Variants in NDUFAF7 observed in about 807,000 individuals in gnomAD.
NDUFAF7 encodes NADH:ubiquinone oxidoreductase complex assembly factor 7, also known as protein arginine methyltransferase NDUFAF7, mitochondrial.
NDUFAF7 carries 48 observed loss-of-function variants against 47.2 expected under a neutral mutation model. The observed-to-expected ratio is 1.02, with a 90% CI of 0.81 to 1.29. NDUFAF7 has a LOEUF of 1.29. NDUFAF7 is among the 50% of genes most tolerant of loss of function. The probability of loss-of-function intolerance (pLI) is 0.00; values close to 1 mark genes in which losing one functional copy is unlikely to be tolerated. For missense variants in NDUFAF7, 635 were observed against 537.6 expected, an observed-to-expected ratio of 1.18 and a Z score of -1.79; for synonymous variants, 217 against 190.0, an observed-to-expected ratio of 1.14 and a Z score of -1.17.
the NDUFAF7 span, chr2:37,260,392 G>C: frequency 6.2e-7 from 1 of 1,606,316 alleles, no homozygotes. Flanking sequence ...ATTCTGAAGA[G>C]AGGTTGCAAG....
chr2:37,235,500 G>C (rs1019360650), intron 2 of NDUFAF7, among the ~76,000 whole-genome samples: 1 of 152,070 alleles, frequency 6.6e-6, no homozygotes, highest in South Asian at 2.1e-4. Context: ...GGAGCTGGGA[G>C]GGGAGGAAGG....
the NDUFAF7 span, chr2:37,267,362 A>T: frequency 1.7e-5 from 18 of 1,063,834 alleles, no homozygotes; most frequent in Non-Finnish European, 2.3e-5. Flanking sequence ...AAAAAAAAAA[A>T]GAGAAGCAGT....
At chr2:37,266,739 T>C in the NDUFAF7 span, among the ~76,000 whole-genome samples, 3 of 152,112 alleles carry the variant, frequency 2.0e-5, no homozygotes, top group African/African-American at 4.8e-5. Context: ...CCACCCGCCT[T>C]GGCCTCCCAA....
intron 4 of NDUFAF7, 112 bp from the exon 5 acceptor site, chr2:37,241,466 C>A: frequency 1.1e-6 from 1 of 908,678 alleles, no homozygotes; most frequent in Non-Finnish European, 1.7e-6. Flanking sequence ...AGGAACACAT[C>A]TCTCTGAAAT....
the NDUFAF7 span, among the ~76,000 whole-genome samples, chr2:37,264,504 TTAAGG>T: frequency 8.3e-6 from 1 of 120,798 alleles, no homozygotes; most frequent in South Asian, 2.5e-4. Context: ...AGAAAAAGAG[TTAAGG>T]TAGGGGAGTG....
At position 37,246,105 on chromosome 2, in the gene NDUFAF7, C is replaced by A. The variant is rs145121976; in HGVS notation, c.846C>A (p.Ile282=). ...TGTGTCCTGATGCTGGTGTTATCAT[C>A]GAGGAACTTTCTCAACGCATTGCAT... The part of the protein sequence containing the change: ...VEVCPDAGVI[I]EELSQRIALT... Residue 282 remains isoleucine (I), a synonymous_variant, in exon 8 of 10, where the codon ATC becomes ATA. Transcript: ENST00000002125. 1 of 1,613,844 alleles carries A rather than the reference C, an allele frequency of 6.2e-7. No homozygotes were observed. Among genetic ancestry groups the A allele is most frequent in the African/African-American group, 1.3e-5 (1 of 75,020 alleles).
chr2:37,269,815 A>C, the NDUFAF7 span: 1 of 681,704 alleles, frequency 1.5e-6, no homozygotes, highest in Non-Finnish European at 2.4e-6. Context: ...ATAAAGTGCA[A>C]ACTATTTTAT....
At chr2:37,242,838 T>A in intron 6 of NDUFAF7, 145 bp downstream of exon 6, 5 of 616,428 alleles carry the variant, frequency 8.1e-6, no homozygotes, top group Middle Eastern at 3.8e-4. Flanking sequence ...CACAAATAAT[T>A]CAAAAGCAAA....
intron 4 of NDUFAF7, among the ~76,000 whole-genome samples, chr2:37,239,282 C>T (rs1666116963): frequency 6.6e-6 from 1 of 152,002 alleles, no homozygotes; most frequent in South Asian, 2.1e-4. Context: ...CTACACCCGG[C>T]TAATTTTTTT....
intron 6 of NDUFAF7, 127 bp from the exon 7 acceptor site, chr2:37,243,736 T>A: frequency 2.8e-6 from 2 of 717,372 alleles, no homozygotes; most frequent in Non-Finnish European, 4.9e-6. Flanking sequence ...ATTTAAGTAA[T>A]TTTAAATAGT....
At position 37,246,099 on chromosome 2, in the gene NDUFAF7, T is replaced by C; in HGVS notation, c.840T>C (p.Val280=). ...DHVEVCPDAG[V]IIEELSQRIA... is the part of the protein sequence containing the mutation. Reference sequence around the variant, plus strand: ...TTGAAGTGTGTCCTGATGCTGGTGTTATCATCGAGGAACTTTCTCAACGCA... The same window carrying C: ...TTGAAGTGTGTCCTGATGCTGGTGTCATCATCGAGGAACTTTCTCAACGCA... Residue 280 remains valine (V), a synonymous_variant, in exon 8 of 10, where the codon GTT becomes GTC. Coordinates refer to ENST00000002125, the MANE Select transcript of NDUFAF7 (RefSeq NM_144736.5). 8 of 1,613,970 alleles carry C rather than the reference T, an allele frequency of 5.0e-6. No individual in the cohort carries two copies. The highest frequency in any genetic ancestry group is 6.8e-6 in the Non-Finnish European group (8 of 1,179,858).
chr2:37,264,643 A>C, the NDUFAF7 span, among the ~76,000 whole-genome samples: 1 of 152,162 alleles, frequency 6.6e-6, no homozygotes, highest in Non-Finnish European at 1.5e-5. Flanking sequence ...GGGAGAAAGC[A>C]TTCCAGGCAG....
intron 3 of NDUFAF7, among the ~76,000 whole-genome samples, chr2:37,237,153 A>G (rs1003430844): frequency 6.6e-6 from 1 of 152,096 alleles, no homozygotes; most frequent in Non-Finnish European, 1.5e-5. Flanking sequence ...TATTTTTAGT[A>G]GAGACAGAGT....
chr2:37,233,347 G>A (rs570192353), intron 2 of NDUFAF7, among the ~76,000 whole-genome samples: 1 of 152,344 alleles, frequency 6.6e-6, no homozygotes, highest in East Asian at 1.9e-4. Context: ...CTGGCGTTCA[G>A]GGCCGGACGT....
intron 4 of NDUFAF7, among the ~76,000 whole-genome samples, 161 bp downstream of exon 4, chr2:37,238,028 T>G (rs1665973048): frequency 6.6e-6 from 1 of 152,158 alleles, no homozygotes; most frequent in South Asian, 2.1e-4. Context: ...CTTACTGTTG[T>G]CTGTAAACTT....
In NDUFAF7 at chr2:37,246,070, C is replaced by G. The variant is rs768477841; in HGVS notation, c.811C>G (p.His271Asp). The change falls in exon 8 of 10, where the codon CAT becomes GAT. Residue 271 changes from histidine to aspartate, a missense_variant. Coordinates refer to ENST00000002125, the MANE Select transcript of NDUFAF7 (RefSeq NM_144736.5). ...TTACTAGCATGACGAAACAAGGGAT[C>G]ATGTTGAAGTGTGTCCTGATGCTGG... Reference protein sequence around the residue: ...AFIQHDETRDHVEVCPDAGVI... With the variant: ...AFIQHDETRDDVEVCPDAGVI... The G allele has an allele frequency of 2.5e-6, 4 of 1,613,710 alleles. No homozygotes were observed. The highest frequency in any genetic ancestry group is 3.4e-6 in the Non-Finnish European group (4 of 1,179,852).
rs775628425 is a variant in NDUFAF7, at chr2:37,243,916, T to G, written c.735T>G (p.Ser245=). 2.5e-6 allele frequency: 4 copies of G among 1,614,140 alleles called. No individual in the cohort carries two copies. The highest frequency in any genetic ancestry group is 3.4e-6 in the Non-Finnish European group (4 of 1,179,984). The change falls in exon 7 of 10, where the codon TCT becomes TCG. Residue 245 remains serine (S), a synonymous_variant. Transcript: ENST00000002125. ...TTGTTGACATTGATCCACAGGTTTC[T>G]GATAAACTGAGGTTTGTTTTGGCAC... The part of the protein sequence containing the change: ...EVFVDIDPQV[S]DKLRFVLAPS...
At chr2:37,252,839 A>ATT (rs1558516098), downstream of NDUFAF7, 1 of 98,852 alleles carries the variant, frequency 1.0e-5, no homozygotes, top group African/African-American at 3.3e-5. Flanking sequence ...ACAAACATAT[A>ATT]TTTATATTTA....
At chr2:37,232,043 G>A in intron 1 of NDUFAF7, 63 bp from the exon 2 acceptor site, 1 of 1,613,112 alleles carries the variant, frequency 6.2e-7, no homozygotes, top group Non-Finnish European at 8.5e-7. Flanking sequence ...AAACGCTCAG[G>A]CGGCTTGCGC....
Sources: allele counts gnomAD v4.1 joint callset (sites outside exome capture counted in the v4.1 genomes callset), GRCh38; gene constraint gnomAD v4.1.1; transcripts MANE v1.5; gene names NCBI Gene and HGNC (gene_info 2026-07-23, HGNC 2026-07-21).